The following NEK10 variants were observed in gnomAD, a reference collection of about 807,000 sequenced individuals.
The protein encoded by NEK10 is NIMA related kinase 10.
NEK10 carries 122 observed loss-of-function variants against 159.8 expected under a neutral mutation model. That is an observed-to-expected ratio of 0.76 (90% CI 0.66 to 0.89). The LOEUF is 0.89. Ranked by LOEUF, NEK10 falls within the 40% of genes least tolerant of loss-of-function variation. The pLI, the probability that NEK10 is intolerant of heterozygous loss-of-function variation, is 0.00. For missense variants in NEK10, 1,342 were observed against 1,323.1 expected (o/e 1.01, Z -0.22); for synonymous variants, 466 against 457.1 (o/e 1.02, Z -0.25).
At chr3:27,319,263 C>T (rs1406407464) in intron 6 of NEK10, among the ~76,000 whole-genome samples, 1 of 152,196 alleles carries the variant, frequency 6.6e-6, no homozygotes, top group South Asian at 2.1e-4. Flanking sequence ...CGAGCTGTAA[C>T]TGAAATCTCA....
chr3:27,221,343 A>C (rs142528609), intron 23 of NEK10, among the ~76,000 whole-genome samples: 29 of 152,372 alleles, frequency 1.9e-4, no homozygotes, highest in African/African-American at 6.5e-4. Flanking sequence ...AAAAATGGGC[A>C]AAAACAAAGT....
intron 23 of NEK10, among the ~76,000 whole-genome samples, chr3:27,219,298 GAT>G (rs1951861575): frequency 6.6e-6 from 1 of 152,184 alleles, no homozygotes; most frequent in Non-Finnish European, 1.5e-5. Context: ...CTGTCATAAA[GAT>G]ATAATAGATT....
In NEK10 at chr3:27,141,532, G is replaced by A. The variant is rs1479517325; in HGVS notation, c.2920C>T (p.Pro974Ser). Residue 974 changes from proline (P) to serine (S), a missense_variant, in exon 31 of 36, where the codon CCT becomes TCT. Physicochemically the swap from Pro to Ser is moderately conservative, Grantham distance 74. Transcript: ENST00000691995. ...SQRKVRQISD[P>S]IQQILIQLHK... ...AGCTGAATTAATATCTGCTGAATAG[G>A]ATCACTGATCTGACGCACTTTCCTC... 2 of 1,613,328 alleles carry A rather than the reference G, an allele frequency of 1.2e-6. No individual in the cohort carries two copies. The highest frequency in any genetic ancestry group is 1.7e-6 in the Non-Finnish European group (2 of 1,179,500).
At chr3:27,117,515 C>T (rs1940643725) in intron 33 of NEK10, among the ~76,000 whole-genome samples, 1 of 152,154 alleles carries the variant, frequency 6.6e-6, no homozygotes, top group Non-Finnish European at 1.5e-5. Context: ...TAAATAATTG[C>T]CATTCTGACT....
intron 25 of NEK10, among the ~76,000 whole-genome samples, chr3:27,192,576 T>C (rs1232121476): frequency 7.0e-6 from 1 of 143,678 alleles, no homozygotes; most frequent in Non-Finnish European, 1.5e-5. Context: ...CTGAAATCAC[T>C]GCCAACTCAC....
chr3:27,214,007 A>G (rs1212455543), intron 23 of NEK10, among the ~76,000 whole-genome samples: 2 of 152,232 alleles, frequency 1.3e-5, no homozygotes, highest in Non-Finnish European at 2.9e-5. Flanking sequence ...GCAGCCACCT[A>G]TGCAACTTCA....
intron 6 of NEK10, among the ~76,000 whole-genome samples, chr3:27,320,807 TA>T (rs2045567756): frequency 6.6e-6 from 1 of 152,318 alleles, no homozygotes; most frequent in Non-Finnish European, 1.5e-5. Context: ...GAAAGATGTG[TA>T]GTGCCCATGA....
chr3:27,206,358 A>G (rs910539173), intron 23 of NEK10, among the ~76,000 whole-genome samples: 1 of 152,204 alleles, frequency 6.6e-6, no homozygotes, highest in Non-Finnish European at 1.5e-5. Flanking sequence ...AAAACACAAG[A>G]AAATAACTTA....
intron 28 of NEK10, among the ~76,000 whole-genome samples, chr3:27,172,243 G>A (rs563021179): frequency 1.4e-5 from 2 of 146,686 alleles, no homozygotes; most frequent in East Asian, 4.1e-4. Context: ...GCTAAGGCAG[G>A]AGAATCGCTT....
At chr3:27,176,836 G>T (rs1947552375) in intron 26 of NEK10, among the ~76,000 whole-genome samples, 1 of 152,184 alleles carries the variant, frequency 6.6e-6, no homozygotes, top group Non-Finnish European at 1.5e-5. Flanking sequence ...AGATGAAGGA[G>T]AATTTTTGAA....
At chr3:27,166,393 G>GT (rs1946479697) in intron 29 of NEK10, among the ~76,000 whole-genome samples, 1 of 152,096 alleles carries the variant, frequency 6.6e-6, no homozygotes, top group African/African-American at 2.4e-5. Flanking sequence ...TTGTTTGTTT[G>GT]TTTGTTTGTT....
At position 27,121,697 on chromosome 3, in the gene NEK10, C is replaced by G. The variant is rs1001124225; in HGVS notation, c.3082-1829G>C. 5.3e-5 allele frequency among the ~76,000 whole-genome samples: 8 copies of G among 152,132 alleles called. No homozygotes were observed. The East Asian group carries it at 1.3e-3, about 26-fold the overall frequency. On this transcript the variant is annotated intron_variant, in intron 32 of 35. Coordinates refer to ENST00000691995, the MANE Select transcript of NEK10 (RefSeq NM_001394966.1). Reference sequence around the variant, plus strand: ...CTCTTTCTTTTGTAAATTTCCCAGTCTTGGGTACGTATTTATCAGCAGCAT... The same window carrying G: ...CTCTTTCTTTTGTAAATTTCCCAGTGTTGGGTACGTATTTATCAGCAGCAT...
At chr3:27,295,809 G>A in intron 14 of NEK10, 119 bp from the exon 15 acceptor site, 1 of 1,295,830 alleles carries the variant, frequency 7.7e-7, no homozygotes. Flanking sequence ...TATAACTATG[G>A]ACCTTGAAGT....
chr3:27,305,047 C>T, intron 11 of NEK10, 76 bp from the exon 12 acceptor site: 1 of 860,340 alleles, frequency 1.2e-6, no homozygotes, highest in East Asian at 2.6e-5. Context: ...CTAAAGCTAT[C>T]ATCAGTGCAT....
chr3:27,230,820 T>C (rs116104821), intron 23 of NEK10, among the ~76,000 whole-genome samples: 1,630 of 152,030 alleles, frequency 0.011, 9 homozygotes, highest in Middle Eastern at 0.037. Context: ...GAGAAGACAT[T>C]ACAATCCTAA....
intron 29 of NEK10, among the ~76,000 whole-genome samples, chr3:27,164,234 T>C (rs975374278): frequency 6.6e-6 from 1 of 152,208 alleles, no homozygotes; most frequent in African/African-American, 2.4e-5. Flanking sequence ...AAAAGAGGCA[T>C]GATGACAGCA....
chr3:27,353,501 C>G (rs1405339509), intron 1 of NEK10, among the ~76,000 whole-genome samples: 2 of 152,104 alleles, frequency 1.3e-5, no homozygotes, highest in African/African-American at 2.4e-5. Context: ...CATTTCACTT[C>G]CACTGAATCT....
intron 5 of NEK10, among the ~76,000 whole-genome samples, chr3:27,328,797 C>G (rs1418591712): frequency 1.3e-5 from 2 of 152,102 alleles, no homozygotes; most frequent in Non-Finnish European, 2.9e-5. Context: ...TAGCCTACTG[C>G]AATAGTCCAA....
intron 3 of NEK10, among the ~76,000 whole-genome samples, chr3:27,350,864 T>G (rs1447070058): frequency 6.6e-6 from 1 of 152,184 alleles, no homozygotes; most frequent in Non-Finnish European, 1.5e-5. Flanking sequence ...TGGTTTTTTT[T>G]GTTTTTTGCC....
Sources: allele counts gnomAD v4.1 joint callset (sites outside exome capture counted in the v4.1 genomes callset), GRCh38; gene constraint gnomAD v4.1.1; transcripts MANE v1.5; gene names NCBI Gene and HGNC (gene_info 2026-07-23, HGNC 2026-07-21).